Variants in CUX2 observed in about 807,000 individuals in gnomAD.
CUX2 encodes the protein cut like homeobox 2, also known as homeobox protein cut-like 2.
A neutral mutation model predicts 144.8 loss-of-function variants in CUX2; 40 were observed. The observed-to-expected ratio is 0.28, with a 90% confidence interval of 0.21 to 0.36. The LOEUF (loss-of-function observed/expected upper bound fraction) is 0.36, where lower values mean the gene tolerates loss of function less well. Among genes scored for constraint, CUX2 ranks in the 10% least tolerant of loss-of-function variants. The pLI, the probability that CUX2 is intolerant of heterozygous loss-of-function variation, is 1.00. For missense variants in CUX2, 1,615 were observed against 1,994.0 expected (o/e 0.81, Z 3.62); for synonymous variants, 827 against 875.6 (o/e 0.94, Z 0.98).
At chr12:111,338,228 G>C in intron 19 of CUX2, 58 bp from the exon 20 acceptor site, 2 of 1,517,132 alleles carry the variant, frequency 1.3e-6, no homozygotes, top group South Asian at 2.5e-5. Flanking sequence ...GTCTCTCCTG[G>C]GAGTAGGCTT....
At chr12:111,194,865 A>G (rs1880142439) in intron 1 of CUX2, among the ~76,000 whole-genome samples, 1 of 152,196 alleles carries the variant, frequency 6.6e-6, no homozygotes, top group Non-Finnish European at 1.5e-5. Flanking sequence ...CGAGGCAGCA[A>G]ACTCCAGCCT....
rs1336877360 is a variant in CUX2, at chr12:111,061,747, A to G, written c.63+27507A>G. 2.0e-5 allele frequency among the ~76,000 whole-genome samples: 3 copies of G among 151,850 alleles called. No homozygotes were observed. Among genetic ancestry groups the G allele is most frequent in the Non-Finnish European group, 4.4e-5 (3 of 68,020 alleles). On this transcript the variant is annotated intron_variant, in intron 1 of 21. Coordinates refer to ENST00000261726, the MANE Select transcript of CUX2 (RefSeq NM_015267.4). The surrounding 1 kb of genome is among the most constrained non-coding windows in gnomAD (Gnocchi z 4.2). Reference sequence around the variant, plus strand: ...CCTCAGCCTGGCCCTGGCCCTGGGTATCTCTGGGTTTTTTGTCGTTTTCTT... The same window carrying G: ...CCTCAGCCTGGCCCTGGCCCTGGGTGTCTCTGGGTTTTTTGTCGTTTTCTT...
chr12:111,106,806 T>C (rs1873633603), intron 1 of CUX2, among the ~76,000 whole-genome samples: 1 of 152,110 alleles, frequency 6.6e-6, no homozygotes, highest in Admixed American at 6.5e-5. Context: ...CAGGGAGGCA[T>C]AGAATCTCTG....
intron 1 of CUX2, among the ~76,000 whole-genome samples, chr12:111,143,259 A>C (rs1876450628): frequency 6.6e-6 from 1 of 152,132 alleles, no homozygotes. Flanking sequence ...GAAGGAGCAA[A>C]AAACGCCCTT....
At chr12:111,327,298 C>A (rs1432246119) in intron 18 of CUX2, among the ~76,000 whole-genome samples, 2 of 152,134 alleles carry the variant, frequency 1.3e-5, no homozygotes, top group Non-Finnish European at 2.9e-5. Flanking sequence ...TATGGATAGA[C>A]CCCATTTTGA....
Position 111,034,887 on chromosome 12 carries a change from C to A in CUX2, c.63+647C>A, listed in dbSNP as rs1869349809. ...CCGCCGCCGCCGCCGCCAGAGCCGC[C>A]GCCGCCGGACTGGCCGCAAGCGCCG... On this transcript the variant is annotated intron_variant, in intron 1 of 21. Coordinates refer to ENST00000261726, the MANE Select transcript of CUX2 (RefSeq NM_015267.4). This position sits in a 1 kb window ranked among gnomAD's most constrained non-coding sequence, Gnocchi z 4.2. 6.6e-6 allele frequency among the ~76,000 whole-genome samples: 1 copy of A among 150,510 alleles called. No homozygotes were observed.
intron 1 of CUX2, chr12:111,099,361 G>A (rs1480310627): frequency 1.7e-5 from 6 of 357,146 alleles, no homozygotes; most frequent in Non-Finnish European, 3.3e-5. Flanking sequence ...GCATTTTGGG[G>A]TCTAGGCCTC....
At chr12:111,308,606 C>A in intron 14 of CUX2, 80 bp downstream of exon 14, 1 of 1,168,556 alleles carries the variant, frequency 8.6e-7, no homozygotes, top group Non-Finnish European at 1.2e-6. Flanking sequence ...TGCCCAAGGA[C>A]CACTGCCTTC....
intron 1 of CUX2, among the ~76,000 whole-genome samples, chr12:111,092,294 CTGAGACT>C (rs1037822741): frequency 6.6e-6 from 1 of 152,210 alleles, no homozygotes; most frequent in African/African-American, 2.4e-5. Context: ...GAATGAAACA[CTGAGACT>C]TGAAGTCTTG....
intron 1 of CUX2, among the ~76,000 whole-genome samples, chr12:111,111,453 T>C (rs911710043): frequency 1.3e-5 from 2 of 152,180 alleles, no homozygotes; most frequent in African/African-American, 4.8e-5. Flanking sequence ...GTAAACAAGG[T>C]TGGGTCTCCC....
Position 111,310,161 on chromosome 12 carries a change from G to A in CUX2, c.1379G>A (p.Gly460Glu). 1 of 1,551,756 alleles carries A rather than the reference G, an allele frequency of 6.4e-7. No homozygotes were observed. The highest frequency in any genetic ancestry group is 8.7e-7 in the Non-Finnish European group (1 of 1,150,618). The change falls in exon 15 of 22, where the codon GGG (glycine) becomes GAG (glutamate). Residue 460 changes from glycine (G) to glutamate (E), a missense_variant. Transcript: ENST00000261726. This position sits in a 1 kb window ranked among gnomAD's most constrained non-coding sequence, Gnocchi z 7.9. ...GPEDPLSPSP[G>E]QPLLGPSLGP... ...GAAGACCCCCTGTCTCCCAGCCCCG[G>A]GCAGCCCCTGCTGGGCCCCAGCTTG...
At chr12:111,043,518 G>A (rs925401594) in intron 1 of CUX2, among the ~76,000 whole-genome samples, 12 of 152,160 alleles carry the variant, frequency 7.9e-5, no homozygotes, top group Non-Finnish European at 1.3e-4. Flanking sequence ...GATATAATAC[G>A]ACACTGCATG....
chr12:111,135,390 A>G (rs1875810807), intron 1 of CUX2, among the ~76,000 whole-genome samples: 1 of 152,156 alleles, frequency 6.6e-6, no homozygotes, highest in Non-Finnish European at 1.5e-5. Context: ...CAAAATGCAA[A>G]ATGGTGCAGC....
At chr12:111,126,377 G>T (rs1014649104) in intron 1 of CUX2, among the ~76,000 whole-genome samples, 2 of 152,186 alleles carry the variant, frequency 1.3e-5, no homozygotes, top group African/African-American at 4.8e-5. Context: ...CTCCCAAAGT[G>T]CTGGGATTAC....
chr12:111,193,884 G>A (rs1880057248), intron 1 of CUX2, among the ~76,000 whole-genome samples: 1 of 152,248 alleles, frequency 6.6e-6, no homozygotes, highest in South Asian at 2.1e-4. Flanking sequence ...GGCCAGCTGG[G>A]ATGGAGACAG....
At chr12:111,185,594 G>C (rs554997256) in intron 1 of CUX2, among the ~76,000 whole-genome samples, 1 of 152,352 alleles carries the variant, frequency 6.6e-6, no homozygotes, top group East Asian at 1.9e-4. Context: ...AGCCCTTCGT[G>C]GGGGTGTCCA....
At chr12:111,273,255 GT>G (rs1200959515) in intron 4 of CUX2, among the ~76,000 whole-genome samples, 1 of 152,170 alleles carries the variant, frequency 6.6e-6, no homozygotes, top group Non-Finnish European at 1.5e-5. Context: ...GGTACTTTCT[GT>G]GTGTCAGGCA....
In CUX2 at chr12:111,304,379, G is replaced by T; in HGVS notation, c.858+65G>T. ...GGAAAGATCGGGAATGGCTGAGTTT[G>T]CAGGTTTCAGCATGTGGGTGACACT... On this transcript the variant is annotated intron_variant, in intron 10 of 21. Coordinates refer to ENST00000261726, the MANE Select transcript of CUX2 (RefSeq NM_015267.4). The surrounding 1 kb of genome is among the most constrained non-coding windows in gnomAD (Gnocchi z 4.7). 1 of 1,316,718 alleles carries T rather than the reference G, an allele frequency of 7.6e-7. No individual in the cohort carries two copies. Among genetic ancestry groups the T allele is most frequent in the Admixed American group, 1.9e-5 (1 of 51,622 alleles). 81.6% of individuals were successfully genotyped at this position (1,316,718 alleles called of 1,614,324 possible). A position where few individuals can be genotyped will look rare whatever the true frequency, so the allele number is the denominator to read the frequency against.
chr12:111,311,228 T>C (rs1028459198), intron 15 of CUX2, among the ~76,000 whole-genome samples: 3 of 152,122 alleles, frequency 2.0e-5, no homozygotes, highest in African/African-American at 7.2e-5. Flanking sequence ...CCACAGCACC[T>C]GGCATGCAGT....
Sources: allele counts gnomAD v4.1 joint callset (sites outside exome capture counted in the v4.1 genomes callset), GRCh38; gene constraint gnomAD v4.1.1; non-coding constraint Gnocchi (gnomAD v3.1); transcripts MANE v1.5; gene names NCBI Gene and HGNC (gene_info 2026-07-23, HGNC 2026-07-21).